The following PPFIA2 variants were observed in gnomAD, a reference collection of about 807,000 sequenced individuals.
The protein encoded by PPFIA2 is liprin-alpha-2.
In PPFIA2, 46 loss-of-function variants were observed where a neutral mutation model predicts 175.5. That is an observed-to-expected ratio of 0.26 (90% CI 0.21 to 0.34). PPFIA2 has a LOEUF of 0.34. Ranked by LOEUF, PPFIA2 falls within the 10% of genes least tolerant of loss-of-function variation. PPFIA2 has a pLI of 1.00. For missense variants in PPFIA2, 1,179 were observed against 1,506.1 expected (o/e 0.78, Z 3.60); for synonymous variants, 568 against 511.4 (o/e 1.11, Z -1.49).
chr12:81,503,834 A>C (rs1171345008), intron 4 of PPFIA2, among the ~76,000 whole-genome samples: 2 of 152,114 alleles, frequency 1.3e-5, no homozygotes, highest in Non-Finnish European at 2.9e-5. Context: ...ATGTATGAAA[A>C]ACTGGGGCAA....
chr12:81,450,047 C>T (rs2052218936), intron 5 of PPFIA2, among the ~76,000 whole-genome samples: 1 of 152,094 alleles, frequency 6.6e-6, no homozygotes, highest in Non-Finnish European at 1.5e-5. Context: ...CATTGATGGA[C>T]ATTTGGGTTA....
intron 22 of PPFIA2, among the ~76,000 whole-genome samples, chr12:81,317,906 T>A (rs1446407693): frequency 3.3e-5 from 5 of 151,648 alleles, no homozygotes; most frequent in Admixed American, 3.3e-4. Flanking sequence ...GAATCCTCGA[T>A]GCAATAATCC....
intron 4 of PPFIA2, among the ~76,000 whole-genome samples, chr12:81,616,092 A>G (rs2061406566): frequency 6.6e-6 from 1 of 152,062 alleles, no homozygotes; most frequent in Admixed American, 6.6e-5. Context: ...AAGCCAGGAT[A>G]TCAGCTGAGA....
chr12:81,478,782 C>T (rs550375654), intron 4 of PPFIA2, among the ~76,000 whole-genome samples: 99 of 152,152 alleles, frequency 6.5e-4, no homozygotes, highest in African/African-American at 1.9e-3. Flanking sequence ...GTCTGAGAGA[C>T]GGTTTGTTAT....
chr12:81,434,201 A>G (rs7978071), intron 7 of PPFIA2, among the ~76,000 whole-genome samples: 2,194 of 152,214 alleles, frequency 0.014, 49 homozygotes, highest in African/African-American at 0.042. Context: ...TTTCGATGGT[A>G]TGTTACAAGT....
chr12:81,643,196 T>C (rs2065593719), intron 4 of PPFIA2, among the ~76,000 whole-genome samples: 1 of 151,576 alleles, frequency 6.6e-6, no homozygotes, highest in Non-Finnish European at 1.5e-5. Flanking sequence ...CTCAATTCAG[T>C]TGGTTAAAAG....
At chr12:81,734,554 T>C (rs1024349683) in intron 3 of PPFIA2, among the ~76,000 whole-genome samples, 1 of 151,786 alleles carries the variant, frequency 6.6e-6, no homozygotes, top group Non-Finnish European at 1.5e-5. Flanking sequence ...GTTAAAAGTA[T>C]AAAATCAAAA....
chr12:81,663,770 A>G (rs1022546270), intron 4 of PPFIA2, among the ~76,000 whole-genome samples: 8 of 151,840 alleles, frequency 5.3e-5, no homozygotes, highest in Non-Finnish European at 1.2e-4. Flanking sequence ...GAGGCATCAC[A>G]CTACCTGACT....
At chr12:81,291,814 G>T (rs1263495464) in intron 24 of PPFIA2, among the ~76,000 whole-genome samples, 1 of 152,020 alleles carries the variant, frequency 6.6e-6, no homozygotes, top group Non-Finnish European at 1.5e-5. Flanking sequence ...TGACTTTGAA[G>T]TAGGATGAAA....
At chr12:81,400,253 T>C (rs2041891815) in intron 8 of PPFIA2, among the ~76,000 whole-genome samples, 1 of 152,162 alleles carries the variant, frequency 6.6e-6, no homozygotes. Flanking sequence ...TTGTCTCCAC[T>C]GAGGATCACA....
chr12:81,346,702 T>C (rs1026631762), intron 18 of PPFIA2, among the ~76,000 whole-genome samples: 2 of 151,600 alleles, frequency 1.3e-5, no homozygotes, highest in Non-Finnish European at 2.9e-5. Context: ...TAGGAATTAG[T>C]AGCTGTTGTT....
chr12:81,484,903 T>C (rs1593761680), intron 4 of PPFIA2, among the ~76,000 whole-genome samples: 1 of 151,908 alleles, frequency 6.6e-6, no homozygotes, highest in Non-Finnish European at 1.5e-5. Context: ...TTTGAATCAG[T>C]AATTCAAAGA....
chr12:81,344,593 A>G (rs1206483303), intron 19 of PPFIA2, 71 bp downstream of exon 19: 3 of 1,094,336 alleles, frequency 2.7e-6, no homozygotes, highest in East Asian at 5.3e-5. Context: ...ACTAGAGGGA[A>G]TATTATTTTA....
At chr12:81,377,778 G>C (rs2036718798) in intron 9 of PPFIA2, among the ~76,000 whole-genome samples, 1 of 152,012 alleles carries the variant, frequency 6.6e-6, no homozygotes, top group African/African-American at 2.4e-5. Flanking sequence ...TAAAATCTGA[G>C]CTACAAAGCC....
At chr12:81,579,195 T>A (rs138596585) in intron 4 of PPFIA2, among the ~76,000 whole-genome samples, 79 of 151,848 alleles carry the variant, frequency 5.2e-4, no homozygotes, top group Non-Finnish European at 1.0e-3. Flanking sequence ...ATAATAGGCC[T>A]TATTATTGAG....
chr12:81,533,739 A>C (rs12302427), intron 4 of PPFIA2, among the ~76,000 whole-genome samples: 66 of 51,322 alleles, frequency 1.3e-3, no homozygotes, highest in South Asian at 3.0e-3. Flanking sequence ...ATCTATCTAT[A>C]TATCTATCTA....
intron 7 of PPFIA2, 86 bp downstream of exon 7, chr12:81,439,886 C>G: frequency 9.3e-7 from 1 of 1,076,612 alleles, no homozygotes. Context: ...TTTTTTGTGA[C>G]AGTTATAATA....
chr12:81,500,561 C>T (rs2060489538), intron 4 of PPFIA2, among the ~76,000 whole-genome samples: 1 of 152,162 alleles, frequency 6.6e-6, no homozygotes, highest in African/African-American at 2.4e-5. Flanking sequence ...CAAGAAAGTT[C>T]CTCCATTGAT....
chr12:81,263,099 G>T, intron 31 of PPFIA2, 132 bp downstream of exon 31: 1 of 878,674 alleles, frequency 1.1e-6, no homozygotes, highest in Non-Finnish European at 1.7e-6. Context: ...GGTTTGTGAT[G>T]AGAGCAAAGT....
Sources: allele counts gnomAD v4.1 joint callset (sites outside exome capture counted in the v4.1 genomes callset), GRCh38; gene constraint gnomAD v4.1.1; transcripts MANE v1.5; gene names NCBI Gene and HGNC (gene_info 2026-07-23, HGNC 2026-07-21).